Variants in NBEA observed in about 807,000 individuals in gnomAD.
NBEA encodes the protein neurobeachin, also known as lysosomal-trafficking regulator 2.
NBEA carries 44 observed loss-of-function variants against 343.4 expected under a neutral mutation model. The ratio of observed to expected loss-of-function variants is 0.13; its 90% CI spans 0.10 to 0.16. The LOEUF (loss-of-function observed/expected upper bound fraction) is 0.16, where lower values mean the gene tolerates loss of function less well. Among genes scored for constraint, NBEA ranks in the 10% least tolerant of loss-of-function variants. NBEA has a pLI of 1.00. For synonymous variants in NBEA, 1,175 were observed against 1,238.7 expected (o/e 0.95, Z 1.08); for missense variants, 2,555 against 3,631.3 (o/e 0.70, Z 7.62).
chr13:35,216,128 C>A (rs991588877), intron 33 of NBEA, among the ~76,000 whole-genome samples: 2 of 151,644 alleles, frequency 1.3e-5, no homozygotes, highest in South Asian at 2.1e-4. Context: ...GATTTCCCCC[C>A]AAAAATGATA....
At chr13:35,114,725 T>C (rs1593391262) in intron 13 of NBEA, among the ~76,000 whole-genome samples, 1 of 152,186 alleles carries the variant, frequency 6.6e-6, no homozygotes, top group Non-Finnish European at 1.5e-5. Flanking sequence ...ATATTTTAAA[T>C]GAAAATGACA....
intron 55 of NBEA, among the ~76,000 whole-genome samples, chr13:35,657,332 T>G (rs2084861450): frequency 1.3e-5 from 2 of 152,224 alleles, no homozygotes; most frequent in South Asian, 4.1e-4. Context: ...TGTTCTAAAT[T>G]TGAACAAGAT....
intron 30 of NBEA, among the ~76,000 whole-genome samples, chr13:35,187,093 T>C (rs1035649656): frequency 6.6e-6 from 1 of 152,106 alleles, no homozygotes; most frequent in Non-Finnish European, 1.5e-5. Flanking sequence ...TAATTTACAA[T>C]TGGTAAATAA....
intron 4 of NBEA, among the ~76,000 whole-genome samples, chr13:35,048,315 A>T (rs1204057518): frequency 2.0e-5 from 3 of 152,100 alleles, no homozygotes; most frequent in African/African-American, 7.2e-5. Flanking sequence ...GAAACCCGCT[A>T]TGTAATCTAG....
chr13:35,077,082 G>A (rs923171566), intron 10 of NBEA, among the ~76,000 whole-genome samples: 1 of 152,030 alleles, frequency 6.6e-6, no homozygotes, highest in Non-Finnish European at 1.5e-5. Context: ...GGTGAGATGT[G>A]ATGACCATAA....
chr13:35,457,056 A>C (rs2046621472), intron 40 of NBEA, among the ~76,000 whole-genome samples: 1 of 151,708 alleles, frequency 6.6e-6, no homozygotes, highest in African/African-American at 2.4e-5. Flanking sequence ...GTTAATGTCT[A>C]CTAACTTAAA....
At chr13:35,393,679 C>A (rs1477563020) in intron 38 of NBEA, among the ~76,000 whole-genome samples, 4 of 151,720 alleles carry the variant, frequency 2.6e-5, no homozygotes, top group Non-Finnish European at 5.9e-5. Context: ...CCAATGATAT[C>A]CAAATTTGCA....
chr13:35,638,720 C>T (rs968883286), intron 49 of NBEA, among the ~76,000 whole-genome samples: 28 of 152,348 alleles, frequency 1.8e-4, no homozygotes, highest in Non-Finnish European at 3.8e-4. Context: ...ACTCACTCTT[C>T]CTACCTGAGT....
chr13:35,100,179 G>A (rs1404433369), intron 11 of NBEA, among the ~76,000 whole-genome samples: 1 of 151,912 alleles, frequency 6.6e-6, no homozygotes, highest in African/African-American at 2.4e-5. Context: ...ATATTATTTA[G>A]TCACAAAAAT....
chr13:35,513,018 T>A (rs2077340133), intron 41 of NBEA, among the ~76,000 whole-genome samples: 1 of 152,184 alleles, frequency 6.6e-6, no homozygotes, highest in Non-Finnish European at 1.5e-5. Context: ...CTATACAGGT[T>A]TTTTTAAAAC....
intron 45 of NBEA, among the ~76,000 whole-genome samples, chr13:35,582,815 CA>C (rs1161514375): frequency 6.6e-6 from 1 of 152,054 alleles, no homozygotes; most frequent in African/African-American, 2.4e-5. Context: ...CTCCTGAGGC[CA>C]AAAGAAAAGG....
chr13:35,406,909 T>A (rs1345166264), intron 38 of NBEA, among the ~76,000 whole-genome samples: 1 of 151,982 alleles, frequency 6.6e-6, no homozygotes, highest in Non-Finnish European at 1.5e-5. Flanking sequence ...GTCTTACAGT[T>A]GCATACAGAA....
intron 8 of NBEA, among the ~76,000 whole-genome samples, chr13:35,062,027 A>G (rs772205217): frequency 1.3e-5 from 2 of 151,750 alleles, no homozygotes; most frequent in Non-Finnish European, 3.0e-5. Flanking sequence ...TTCTAAAAAT[A>G]GGAAAATGTG....
chr13:35,488,760 C>T (rs927181385), intron 41 of NBEA, among the ~76,000 whole-genome samples: 1 of 151,600 alleles, frequency 6.6e-6, no homozygotes, highest in Middle Eastern at 3.2e-3. Context: ...GTCACAAGAC[C>T]CATTATGCTC....
intron 38 of NBEA, among the ~76,000 whole-genome samples, chr13:35,421,994 A>G (rs1012109735): frequency 1.3e-5 from 2 of 151,740 alleles, no homozygotes; most frequent in African/African-American, 4.8e-5. Context: ...ATGGACTTCC[A>G]TGGATTTATC....
intron 49 of NBEA, among the ~76,000 whole-genome samples, chr13:35,645,280 T>A (rs1440479851): frequency 1.3e-5 from 2 of 152,246 alleles, no homozygotes; most frequent in Admixed American, 1.3e-4. Context: ...ATTAGCATGG[T>A]AGCAGAGTAA....
intron 48 of NBEA, among the ~76,000 whole-genome samples, chr13:35,617,929 G>A (rs1023359454): frequency 1.3e-5 from 2 of 152,100 alleles, no homozygotes; most frequent in Admixed American, 1.3e-4. Flanking sequence ...AAAATATCAA[G>A]TATTTAAATT....
chr13:35,081,528 C>G (rs1348200631), intron 10 of NBEA, among the ~76,000 whole-genome samples: 2 of 143,316 alleles, frequency 1.4e-5, no homozygotes, highest in African/African-American at 2.6e-5. Flanking sequence ...GATGGGCAAG[C>G]TTTTTTTTTT....
intron 41 of NBEA, among the ~76,000 whole-genome samples, chr13:35,529,992 A>C (rs2078175973): frequency 6.6e-6 from 1 of 152,198 alleles, no homozygotes; most frequent in African/African-American, 2.4e-5. Context: ...AACAATATTA[A>C]ATTTCCAATG....
Sources: gnomAD v4.1 joint callset for allele counts (sites outside exome capture counted in the v4.1 genomes callset) on GRCh38, gnomAD v4.1.1 for gene constraint, MANE v1.5 for transcripts, NCBI Gene and HGNC (gene_info 2026-07-23, HGNC 2026-07-21) for gene names.